SLC17A8: variants seen among roughly 807,000 people sequenced by gnomAD.
The protein encoded by SLC17A8 is solute carrier family 17 member 8.
A neutral mutation model predicts 58.0 loss-of-function variants in SLC17A8; 31 were observed. The ratio of observed to expected loss-of-function variants is 0.53; its 90% CI spans 0.40 to 0.72. The LOEUF (loss-of-function observed/expected upper bound fraction) is 0.72. SLC17A8 is among the 30% of genes least tolerant of loss of function. The pLI, the probability that SLC17A8 is intolerant of heterozygous loss-of-function variation, is 0.00. For missense variants in SLC17A8, 655 were observed against 727.8 expected (o/e 0.90, Z 1.15); for synonymous variants, 228 against 249.0 (o/e 0.92, Z 0.79).
chr12:100,385,841 C>T (rs761387185), intron 2 of SLC17A8, among the ~76,000 whole-genome samples: 3 of 152,130 alleles, frequency 2.0e-5, no homozygotes, highest in Non-Finnish European at 2.9e-5. Flanking sequence ...CTGTGGAGAC[C>T]GGAAGTCTAA....
intron 5 of SLC17A8, among the ~76,000 whole-genome samples, chr12:100,400,565 C>A (rs905766657): frequency 1.3e-5 from 2 of 152,106 alleles, no homozygotes; most frequent in Non-Finnish European, 2.9e-5. Context: ...TCAGGCTCAC[C>A]TTGGAAAGAT....
chr12:100,393,159 T>G (rs1441422213), intron 3 of SLC17A8, among the ~76,000 whole-genome samples: 2 of 152,198 alleles, frequency 1.3e-5, no homozygotes, highest in African/African-American at 2.4e-5. Context: ...GAGATGGGGT[T>G]CACCATGTTG....
intron 4 of SLC17A8, among the ~76,000 whole-genome samples, chr12:100,394,353 A>C (rs1397869512): frequency 6.6e-6 from 1 of 151,194 alleles, no homozygotes; most frequent in African/African-American, 2.4e-5. Flanking sequence ...TCTAAGCAAT[A>C]CCATCTTTGA....
rs781730892 is a variant in SLC17A8, at chr12:100,391,003, A to G, written c.357A>G (p.Thr119=). The change falls in exon 3 of 12, where the codon ACA becomes ACG. Residue 119 remains threonine (T), a splice_region_variant and synonymous_variant. Coordinates refer to ENST00000323346, the MANE Select transcript of SLC17A8 (RefSeq NM_139319.3). ...TATATCTGATTTCTCATTTCCAGAC[A>G]GCACAGTTTAACTGGGATCCAGAAA... ...VYVDGKPEIQ[T]AQFNWDPETV... is the part of the protein sequence containing the mutation. 2 of 1,601,492 alleles carry G rather than the reference A, an allele frequency of 1.2e-6. No homozygotes were observed. Among genetic ancestry groups the G allele is most frequent in the South Asian group, 2.2e-5 (2 of 90,778 alleles).
intron 1 of SLC17A8, among the ~76,000 whole-genome samples, chr12:100,367,595 G>C (rs564496022): frequency 6.6e-6 from 1 of 152,248 alleles, no homozygotes; most frequent in Non-Finnish European, 1.5e-5. Context: ...CTGTCACCTA[G>C]GCTGGAGTGC....
chr12:100,396,422 G>T lies in SLC17A8; in HGVS notation c.676+5G>T. 1 of 1,612,384 alleles carries T rather than the reference G, an allele frequency of 6.2e-7. No individual in the cohort carries two copies. The highest frequency in any genetic ancestry group is 8.5e-7 in the Non-Finnish European group (1 of 1,178,518). On this transcript the variant is annotated splice_donor_5th_base_variant and intron_variant, in intron 5 of 11. Coordinates refer to ENST00000323346, the MANE Select transcript of SLC17A8 (RefSeq NM_139319.3). ...TGGCCACAACCTCTTTTTGTGGTGG[G>T]TATATTAGAATCGTAACAAATTTTA... is the stretch of plus-strand genomic sequence containing the variant.
chr12:100,403,005 C>A (rs1279547479), intron 8 of SLC17A8, among the ~76,000 whole-genome samples: 1 of 152,120 alleles, frequency 6.6e-6, no homozygotes, highest in Non-Finnish European at 1.5e-5. Context: ...GTTTTTGAAG[C>A]TAGCTCAAGG....
intron 1 of SLC17A8, among the ~76,000 whole-genome samples, chr12:100,358,059 A>G (rs1054618051): frequency 6.6e-6 from 1 of 152,220 alleles, no homozygotes; most frequent in Non-Finnish European, 1.5e-5. Context: ...AATGTTAAGT[A>G]CTATCACTGA....
chr12:100,389,584 C>T (rs2135993613), intron 2 of SLC17A8, among the ~76,000 whole-genome samples: 1 of 151,324 alleles, frequency 6.6e-6, no homozygotes, highest in East Asian at 1.9e-4. Context: ...CATATATACA[C>T]ACACATTATA....
chr12:100,374,813 G>T (rs1026353724), intron 1 of SLC17A8, among the ~76,000 whole-genome samples: 22 of 151,994 alleles, frequency 1.4e-4, no homozygotes, highest in African/African-American at 5.1e-4. Flanking sequence ...TGGCTCAGCT[G>T]CCACTTTGGG....
intron 2 of SLC17A8, among the ~76,000 whole-genome samples, chr12:100,381,942 C>G (rs999644140): frequency 1.3e-5 from 2 of 152,148 alleles, no homozygotes; most frequent in African/African-American, 4.8e-5. Flanking sequence ...TTGCTATTTC[C>G]ACGTGGGACA....
intron 9 of SLC17A8, among the ~76,000 whole-genome samples, chr12:100,406,326 T>C (rs1199822262): frequency 6.6e-6 from 1 of 152,132 alleles, no homozygotes; most frequent in Non-Finnish European, 1.5e-5. Flanking sequence ...GCAGAGGGAA[T>C]AGTATGTGCA....
intron 10 of SLC17A8, among the ~76,000 whole-genome samples, chr12:100,415,897 T>C (rs1352024912): frequency 6.6e-6 from 1 of 152,196 alleles, no homozygotes; most frequent in Admixed American, 6.6e-5. Context: ...GCAATGACAC[T>C]GTGGGAGGGA....
chr12:100,401,762 C>G lies in SLC17A8; in HGVS notation c.677-15C>G. 2.5e-6 allele frequency: 4 copies of G among 1,607,206 alleles called. No homozygotes were observed. Among genetic ancestry groups the G allele is most frequent in the Non-Finnish European group, 3.4e-6 (4 of 1,173,806 alleles). ...TGATGATTGGTCAGATTCCCTCAAT[C>G]TTTTCTTGTTCCAGGTTCCTATGCA... On this transcript the variant is annotated splice_polypyrimidine_tract_variant and intron_variant, in intron 5 of 11. Coordinates refer to ENST00000323346, the MANE Select transcript of SLC17A8 (RefSeq NM_139319.3).
chr12:100,411,265 C>A (rs1418316015), intron 9 of SLC17A8, among the ~76,000 whole-genome samples: 1 of 152,026 alleles, frequency 6.6e-6, no homozygotes, highest in Non-Finnish European at 1.5e-5. Flanking sequence ...AGTGGCCAGC[C>A]TGGCCAACAT....
At chr12:100,411,309 C>A (rs1952865855) in intron 9 of SLC17A8, among the ~76,000 whole-genome samples, 1 of 151,934 alleles carries the variant, frequency 6.6e-6, no homozygotes, top group African/African-American at 2.4e-5. Context: ...GGTGAAACCC[C>A]AACTCTACTA....
intron 2 of SLC17A8, among the ~76,000 whole-genome samples, chr12:100,382,811 C>T (rs1274504137): frequency 6.6e-6 from 1 of 152,194 alleles, no homozygotes; most frequent in Non-Finnish European, 1.5e-5. Context: ...CAGTCTCCTG[C>T]CAGGCACTGG....
At chr12:100,396,248 T>C in intron 4 of SLC17A8, 82 bp from the exon 5 acceptor site, 1 of 1,089,202 alleles carries the variant, frequency 9.2e-7, no homozygotes, top group Non-Finnish European at 1.4e-6. Flanking sequence ...TTGTAGCCTG[T>C]GTGAAGAAGC....
intron 5 of SLC17A8, among the ~76,000 whole-genome samples, chr12:100,397,800 G>A (rs868079440): frequency 3.9e-5 from 6 of 152,116 alleles, no homozygotes; most frequent in African/African-American, 1.4e-4. Flanking sequence ...AAAATTAGCT[G>A]GGTGCGGTGG....
Sources: allele counts gnomAD v4.1 joint callset (sites outside exome capture counted in the v4.1 genomes callset), GRCh38; gene constraint gnomAD v4.1.1; transcripts MANE v1.5; gene names NCBI Gene and HGNC (gene_info 2026-07-23, HGNC 2026-07-21).